The following PDSS2 variants were observed in gnomAD, a reference collection of about 807,000 sequenced individuals.
PDSS2 encodes the protein decaprenyl diphosphate synthase subunit 2.
A neutral mutation model predicts 44.5 loss-of-function variants in PDSS2; 31 were observed. The observed-to-expected ratio is 0.70, with a 90% confidence interval of 0.52 to 0.94. The LOEUF (loss-of-function observed/expected upper bound fraction) is 0.94. Ranked by LOEUF, PDSS2 falls within the 40% of genes least tolerant of loss-of-function variation. PDSS2 has a pLI of 0.00. For missense variants in PDSS2, 452 were observed against 482.2 expected (o/e 0.94, Z 0.59); for synonymous variants, 157 against 180.3 (o/e 0.87, Z 1.03).
intron 2 of PDSS2, among the ~76,000 whole-genome samples, chr6:107,279,999 TTAAA>T (rs1211583458): frequency 6.6e-6 from 1 of 152,206 alleles, no homozygotes; most frequent in Non-Finnish European, 1.5e-5. Context: ...AAAAATTATC[TTAAA>T]TAAAAGTCTT....
At chr6:107,327,004 T>C (rs929045611) in intron 2 of PDSS2, among the ~76,000 whole-genome samples, 1 of 152,240 alleles carries the variant, frequency 6.6e-6, no homozygotes. Flanking sequence ...TAATGTTTTT[T>C]CATTCTTGCA....
intron 2 of PDSS2, among the ~76,000 whole-genome samples, chr6:107,321,078 A>C (rs1777366893): frequency 6.6e-6 from 1 of 152,208 alleles, no homozygotes. Flanking sequence ...TAATATATAT[A>C]AAGAATATGG....
At chr6:107,259,612 T>C (rs540302990) in intron 3 of PDSS2, among the ~76,000 whole-genome samples, 10 of 151,810 alleles carry the variant, frequency 6.6e-5, no homozygotes, top group African/African-American at 2.4e-4. Context: ...GAGGCGGAGG[T>C]TGCAGTGAGC....
At chr6:107,194,747 T>G (rs1385072295) in intron 6 of PDSS2, among the ~76,000 whole-genome samples, 3 of 151,638 alleles carry the variant, frequency 2.0e-5, no homozygotes, top group African/African-American at 7.3e-5. Flanking sequence ...AGGTCAGGAG[T>G]TCGAGACAGC....
At chr6:107,275,634 C>A (rs1775754389) in intron 2 of PDSS2, among the ~76,000 whole-genome samples, 2 of 152,130 alleles carry the variant, frequency 1.3e-5, no homozygotes, top group African/African-American at 4.8e-5. Context: ...TGTTTCAAGT[C>A]ACTAAACTAT....
At chr6:107,445,676 A>C (rs1781647822) in intron 1 of PDSS2, among the ~76,000 whole-genome samples, 2 of 152,192 alleles carry the variant, frequency 1.3e-5, no homozygotes. Context: ...CATTGTATTC[A>C]ACCTGGTTTA....
At chr6:107,181,532 T>G (rs1582747301) in intron 7 of PDSS2, among the ~76,000 whole-genome samples, 2 of 55,636 alleles carry the variant, frequency 3.6e-5, no homozygotes, top group African/African-American at 8.1e-5. Flanking sequence ...AATCTCTGTC[T>G]CAAAAAAAAA....
chr6:107,161,537 T>C (rs564613108), intron 7 of PDSS2, among the ~76,000 whole-genome samples: 4 of 150,886 alleles, frequency 2.7e-5, no homozygotes, highest in Non-Finnish European at 5.9e-5. Flanking sequence ...ATTTGTATTA[T>C]AAATTATTTT....
chr6:107,239,041 C>T (rs897734302), intron 4 of PDSS2, among the ~76,000 whole-genome samples: 1 of 152,160 alleles, frequency 6.6e-6, no homozygotes, highest in African/African-American at 2.4e-5. Context: ...ACTTGGGAGG[C>T]TGAGGTGGGA....
At chr6:107,367,629 C>CA (rs1009559211) in intron 1 of PDSS2, among the ~76,000 whole-genome samples, 3 of 151,560 alleles carry the variant, frequency 2.0e-5, no homozygotes, top group Non-Finnish European at 4.4e-5. Flanking sequence ...ACTAAAAATA[C>CA]AAAAAAATTA....
chr6:107,173,591 A>AAAAAC (rs1554249191), intron 7 of PDSS2, among the ~76,000 whole-genome samples: 2 of 150,126 alleles, frequency 1.3e-5, no homozygotes, highest in African/African-American at 2.5e-5. Context: ...AAAAAAAAAA[A>AAAAAC]AAAAAACGCT....
intron 7 of PDSS2, among the ~76,000 whole-genome samples, chr6:107,165,020 T>C (rs1771291116): frequency 6.6e-6 from 1 of 152,220 alleles, no homozygotes; most frequent in South Asian, 2.1e-4. Context: ...GGGTTGTTTT[T>C]TTCTTGTAAA....
Position 107,197,264 on chromosome 6 carries a change from G to C in PDSS2, c.1009-3410C>G, listed in dbSNP as rs144864249. Among the ~76,000 whole-genome samples, 186 of 149,504 alleles carry C rather than the reference G, an allele frequency of 1.2e-3. 1 individual carries two copies. Among genetic ancestry groups the C allele is most frequent in the Non-Finnish European group, 2.0e-3 (136 of 67,506 alleles). Reference sequence around the variant, plus strand: ...GCATCTGAAGGTGGGGGTGGGGTAAGGGGGGGGTGCAGTCTTGAGCCCTCA... The same window carrying C: ...GCATCTGAAGGTGGGGGTGGGGTAACGGGGGGGTGCAGTCTTGAGCCCTCA... On this transcript the variant is annotated intron_variant, in intron 6 of 7. Coordinates refer to ENST00000369037, the MANE Select transcript of PDSS2 (RefSeq NM_020381.4).
chr6:107,438,007 G>A (rs1038699235), intron 1 of PDSS2, among the ~76,000 whole-genome samples: 4 of 152,222 alleles, frequency 2.6e-5, no homozygotes, highest in East Asian at 1.9e-4. Flanking sequence ...AGCAATGAGA[G>A]GCACCCAGGG....
chr6:107,173,116 C>T (rs1308892526), intron 7 of PDSS2, among the ~76,000 whole-genome samples: 13 of 106,424 alleles, frequency 1.2e-4, no homozygotes, highest in African/African-American at 3.1e-4. Context: ...GAGCGAGACT[C>T]TGTCTCAAAA....
chr6:107,196,164 T>A (rs137942187), intron 6 of PDSS2, among the ~76,000 whole-genome samples: 1 of 152,356 alleles, frequency 6.6e-6, no homozygotes, highest in African/African-American at 2.4e-5. Context: ...TATGCTTAGA[T>A]ATTTTATATT....
intron 1 of PDSS2, among the ~76,000 whole-genome samples, chr6:107,437,693 A>G (rs9400117): frequency 0.14 from 20,678 of 151,916 alleles, 1,571 homozygotes; most frequent in East Asian, 0.25. Context: ...CTCCCTGCAC[A>G]CGAGCTTCAC....
At chr6:107,316,697 G>A (rs549576856) in intron 2 of PDSS2, among the ~76,000 whole-genome samples, 6 of 151,898 alleles carry the variant, frequency 4.0e-5, no homozygotes, top group African/African-American at 7.3e-5. Context: ...AGTGACTGCC[G>A]TTCTCCCTTC....
intron 1 of PDSS2, among the ~76,000 whole-genome samples, chr6:107,351,458 A>G (rs1429898843): frequency 5.3e-5 from 8 of 152,192 alleles, no homozygotes. Context: ...CTAGCAAATT[A>G]TCAACAGATT....
Sources: allele counts gnomAD v4.1 joint callset (sites outside exome capture counted in the v4.1 genomes callset), GRCh38; gene constraint gnomAD v4.1.1; transcripts MANE v1.5; gene names NCBI Gene and HGNC (gene_info 2026-07-23, HGNC 2026-07-21).